The following IL1RAPL2 variants were observed in gnomAD, a reference collection of about 807,000 sequenced individuals.
The protein encoded by IL1RAPL2 is interleukin 1 receptor accessory protein like 2.
IL1RAPL2 carries 3 observed loss-of-function variants against 44.1 expected under a neutral mutation model. That is an observed-to-expected ratio of 0.07 (90% confidence interval 0.03 to 0.18). The LOEUF (loss-of-function observed/expected upper bound fraction) is 0.18, where lower values mean the gene tolerates loss of function less well. IL1RAPL2 is among the 10% of genes least tolerant of loss of function. IL1RAPL2 has a pLI of 1.00. For missense variants in IL1RAPL2, 391 were observed against 496.4 expected, an observed-to-expected ratio of 0.79 and a Z score of 2.02; for synonymous variants, 181 against 178.8, an observed-to-expected ratio of 1.01 and a Z score of -0.10.
chrX:104,677,453 T>G (rs1162954623), intron 2 of IL1RAPL2, among the ~76,000 whole-genome samples: 5 of 110,997 alleles, frequency 4.5e-5, no homozygotes, highest in Non-Finnish European at 9.5e-5. Context: ...AGTCTGCCGG[T>G]TCTCAGATCT....
rs141956329 is a variant in IL1RAPL2 at position 104,743,676 on chromosome X, T to C, written c.82+84681T>C. On this transcript the variant is annotated intron_variant, in intron 2 of 10. Transcript: ENST00000372582. ...CAAAAGGATCCTGCTGCTTGCTTCA[T>C]TGGGCTTGAAAATAGTGGGCAGAAA... Among the ~76,000 whole-genome samples the C allele has an allele frequency of 9.6e-4, 106 of 110,877 alleles. 1 individual carries two copies. Among genetic ancestry groups the C allele is most frequent in the African/African-American group, 3.2e-3 (97 of 30,541 alleles).
At chrX:104,615,271 G>T (rs537220339) in intron 1 of IL1RAPL2, among the ~76,000 whole-genome samples, 20 of 111,313 alleles carry the variant, frequency 1.8e-4, no homozygotes, top group South Asian at 3.8e-4. Flanking sequence ...GTGTAGGTTT[G>T]TTACATAGGT....
intron 6 of IL1RAPL2, among the ~76,000 whole-genome samples, chrX:105,541,490 A>G (rs758778187): frequency 1.3e-4 from 14 of 111,952 alleles, no homozygotes; most frequent in African/African-American, 4.5e-4. Flanking sequence ...AGAATGAGGC[A>G]TATGACATGC....
intron 2 of IL1RAPL2, among the ~76,000 whole-genome samples, chrX:104,764,278 C>T (rs149868742): frequency 0.049 from 5,437 of 109,939 alleles, 141 homozygotes; most frequent in Non-Finnish European, 0.078. Flanking sequence ...TTTTTTACTT[C>T]TTTGGTTAAT....
intron 2 of IL1RAPL2, among the ~76,000 whole-genome samples, chrX:105,058,243 G>A (rs771206575): frequency 9.0e-6 from 1 of 110,703 alleles, no homozygotes; most frequent in African/African-American, 3.3e-5. Context: ...GACTCACCGC[G>A]TCCAGCCTAA....
chrX:104,848,771 C>A (rs1375382392), intron 2 of IL1RAPL2, among the ~76,000 whole-genome samples: 1 of 109,074 alleles, frequency 9.2e-6, no homozygotes, highest in Non-Finnish European at 1.9e-5. Flanking sequence ...TTTTTAAAAA[C>A]ATGTTTTCTC....
chrX:105,154,432 TC>T lies in IL1RAPL2; in HGVS notation c.83-41041del, dbSNP rs1351306738. 8.1e-5 allele frequency among the ~76,000 whole-genome samples: 9 copies of T among 111,686 alleles called. No individual in the cohort carries two copies. In the South Asian group the frequency reaches 3.0e-3, roughly 37 times the overall value. ...CCATTATATCAGAATTGTTGGTTGA[TC>T]CTCTTGTGCCCTTTAGCCTGTGTCC... is the stretch of plus-strand genomic sequence containing the variant. On this transcript the variant is annotated intron_variant, in intron 2 of 10. Coordinates refer to ENST00000372582, the MANE Select transcript of IL1RAPL2 (RefSeq NM_017416.2).
At chrX:105,604,080 A>T (rs2037274418) in intron 6 of IL1RAPL2, among the ~76,000 whole-genome samples, 1 of 111,200 alleles carries the variant, frequency 9.0e-6, no homozygotes. Context: ...CAAATAAACA[A>T]CCCTACAATG....
intron 6 of IL1RAPL2, among the ~76,000 whole-genome samples, chrX:105,542,813 A>G (rs2036755556): frequency 9.6e-6 from 1 of 104,053 alleles, no homozygotes; most frequent in African/African-American, 3.5e-5. Context: ...GGCTCACTGC[A>G]AGCTCCGCCT....
chrX:104,748,093 A>G (rs892335892), intron 2 of IL1RAPL2, among the ~76,000 whole-genome samples: 2 of 111,646 alleles, frequency 1.8e-5, no homozygotes, highest in Non-Finnish European at 3.8e-5. Flanking sequence ...GCGGTCATGT[A>G]TAGAATAGAG....
At chrX:105,411,035 G>A (rs970916873) in intron 5 of IL1RAPL2, among the ~76,000 whole-genome samples, 1 of 111,821 alleles carries the variant, frequency 8.9e-6, no homozygotes, top group Non-Finnish European at 1.9e-5. Context: ...TATGTGGGAG[G>A]AGAGAAAAAT....
At chrX:105,081,365 G>T (rs1471947152) in intron 2 of IL1RAPL2, among the ~76,000 whole-genome samples, 1 of 110,624 alleles carries the variant, frequency 9.0e-6, no homozygotes, top group Non-Finnish European at 1.9e-5. Flanking sequence ...GAGGGCTTTG[G>T]GGTAATAATT....
intron 1 of IL1RAPL2, among the ~76,000 whole-genome samples, chrX:104,609,419 G>T (rs190273192): frequency 9.0e-6 from 1 of 111,391 alleles, no homozygotes; most frequent in East Asian, 2.8e-4. Flanking sequence ...GGTTGGGAAA[G>T]TTCTAGATAA....
At chrX:105,414,135 CT>C (rs779378937) in intron 5 of IL1RAPL2, among the ~76,000 whole-genome samples, 4 of 106,983 alleles carry the variant, frequency 3.7e-5, no homozygotes, top group Non-Finnish European at 3.9e-5. Context: ...CTATCATTTT[CT>C]TTTTTTTTTG....
At chrX:105,253,344 C>A (rs2034286766) in intron 4 of IL1RAPL2, among the ~76,000 whole-genome samples, 1 of 110,841 alleles carries the variant, frequency 9.0e-6, no homozygotes, top group African/African-American at 3.3e-5. Context: ...TATTAATAAG[C>A]CCATCAGAGG....
intron 5 of IL1RAPL2, among the ~76,000 whole-genome samples, chrX:105,293,137 A>G (rs78651428): frequency 0.059 from 5,872 of 99,624 alleles, 598 homozygotes; most frequent in African/African-American, 0.21. Flanking sequence ...AAAAAAAAAG[A>G]GTGAAAGCAG....
chrX:104,658,010 C>T (rs912129372), intron 1 of IL1RAPL2, among the ~76,000 whole-genome samples: 3 of 112,171 alleles, frequency 2.7e-5, no homozygotes, highest in Admixed American at 9.4e-5. Flanking sequence ...AGCTTTTACA[C>T]CATTGGTGGG....
At chrX:105,207,019 T>C (rs2033769546) in intron 3 of IL1RAPL2, among the ~76,000 whole-genome samples, 1 of 111,732 alleles carries the variant, frequency 8.9e-6, no homozygotes, top group Non-Finnish European at 1.9e-5. Context: ...AAAAACTCAT[T>C]GCATGACACT....
chrX:105,549,789 C>T (rs975084110), intron 6 of IL1RAPL2, among the ~76,000 whole-genome samples: 4 of 111,655 alleles, frequency 3.6e-5, no homozygotes, highest in African/African-American at 3.3e-5. Context: ...TAACCTGCAA[C>T]ATTTCTTAAC....
Sources: gnomAD v4.1 joint callset for allele counts (sites outside exome capture counted in the v4.1 genomes callset) on GRCh38, gnomAD v4.1.1 for gene constraint, MANE v1.5 for transcripts, NCBI Gene and HGNC (gene_info 2026-07-23, HGNC 2026-07-21) for gene names.